C16orf89: variants seen among roughly 807,000 people sequenced by gnomAD.
C16orf89 encodes UPF0764 protein C16orf89.
C16orf89 carries 57 observed loss-of-function variants against 41.5 expected under a neutral mutation model. The observed-to-expected ratio is 1.38, with a 90% CI of 1.11 to 1.71. The LOEUF (loss-of-function observed/expected upper bound fraction) is 1.71. Ranked by LOEUF, C16orf89 falls within the 40% of genes most tolerant of loss-of-function variation. The pLI, the probability that C16orf89 is intolerant of heterozygous loss-of-function variation, is 0.00. For synonymous variants in C16orf89, 223 were observed against 190.6 expected, an observed-to-expected ratio of 1.17 and a Z score of -1.40; for missense variants, 575 against 445.9, an observed-to-expected ratio of 1.29 and a Z score of -2.61.
In C16orf89 at chr16:5,065,302, C is replaced by T. The variant is rs1956715305; in HGVS notation, c.208+399G>A. The stretch of plus-strand genomic sequence containing the variant: ...CAAGTGGAGGAAGTGGGGTGGGAAC[C>T]CGATCTTGAGGGTCCTCAGTTTTGT... On this transcript the variant is annotated intron_variant, in intron 1 of 7. Transcript: ENST00000472572. 3.3e-5 allele frequency among the ~76,000 whole-genome samples: 5 copies of T among 152,266 alleles called. 1 individual carries two copies. In the South Asian group the frequency reaches 1.0e-3, roughly 32 times the overall value.
chr16:5,045,540 G>C (rs1214408354), intron 7 of C16orf89, among the ~76,000 whole-genome samples: 1 of 152,162 alleles, frequency 6.6e-6, no homozygotes, highest in Non-Finnish European at 1.5e-5. Context: ...CCCCAGCCAG[G>C]TCCGTTGAAG....
rs961771767 is a variant in C16orf89, at chr16:5,044,770, G to A, written c.956-292C>T. The A allele has an allele frequency of 6.2e-6, 7 of 1,124,458 alleles. No homozygotes were observed. The African/African-American group carries it at 8.1e-5, about 13-fold the overall frequency. 69.7% of individuals were successfully genotyped at this position (1,124,458 alleles called of 1,614,324 possible). A position where few individuals can be genotyped will look rare whatever the true frequency, so the allele number is the denominator to read the frequency against. On this transcript the variant is annotated intron_variant, in intron 7 of 7. Coordinates refer to ENST00000472572, the MANE Select transcript of C16orf89 (RefSeq NM_001098514.3). ...GAGGCAAGAGAATTGCTTGAACCCAGGAGGCAAAGGTTGCAGTGAGCCGAG... is the reference window on the plus strand; with the variant it reads ...GAGGCAAGAGAATTGCTTGAACCCAAGAGGCAAAGGTTGCAGTGAGCCGAG...
Position 5,044,400 on chromosome 16 carries a change from G to A in C16orf89, c.1034C>T (p.Pro345Leu), listed in dbSNP as rs766056131. ...GFLYILAEYP[P>L]ANREPHPSTP... ...GGATGGGTGTGGCTCTCTGTTTGCT[G>A]GGGGGTATTCTGCCAGGATGTATAG... is the stretch of plus-strand genomic sequence containing the variant. Residue 345 changes from proline to leucine, a missense_variant, in exon 8 of 8, where the codon CCA becomes CTA. By Grantham distance (98) the Pro-to-Leu change is moderately conservative. Transcript: ENST00000472572. The A allele has an allele frequency of 1.2e-6, 2 of 1,611,660 alleles. No homozygotes were observed. Among genetic ancestry groups the A allele is most frequent in the Non-Finnish European group, 1.7e-6 (2 of 1,179,142 alleles).
rs1956250233 is a variant in C16orf89, at chr16:5,044,199, C to T, written c.*149G>A. ...CCCACCTACCCTGGCCTTGCCTACT[C>T]AGGGCTTCCAAGATTGGGTGTCGGG... On this transcript the variant is annotated 3_prime_UTR_variant, in exon 8 of 8. Transcript: ENST00000472572. The T allele has an allele frequency of 4.3e-6, 6 of 1,402,936 alleles. No homozygotes were observed. Among genetic ancestry groups the T allele is most frequent in the South Asian group, 1.6e-5 (1 of 60,896 alleles). 86.9% of individuals were successfully genotyped at this position (1,402,936 alleles called of 1,614,324 possible).
rs1956252300 is a variant in C16orf89, at chr16:5,044,270, C to T, written c.*78G>A. ...GATGCCTTCTTCCCAGGATGTGATCCGTGCCCTCCAGGATCTAAGGGATGA... is the reference window on the plus strand; with the variant it reads ...GATGCCTTCTTCCCAGGATGTGATCTGTGCCCTCCAGGATCTAAGGGATGA... On this transcript the variant is annotated 3_prime_UTR_variant, in exon 8 of 8. Transcript: ENST00000472572. 13 of 1,484,026 alleles carry T rather than the reference C, an allele frequency of 8.8e-6. No homozygotes were observed. The highest frequency in any genetic ancestry group is 2.9e-5 in the African/African-American group (2 of 70,050). 91.9% of individuals were successfully genotyped at this position (1,484,026 alleles called of 1,614,324 possible).
At chr16:5,055,041 G>A (rs970910945) in intron 6 of C16orf89, among the ~76,000 whole-genome samples, 10 of 152,058 alleles carry the variant, frequency 6.6e-5, no homozygotes, top group African/African-American at 2.2e-4. Flanking sequence ...CCAATAAGAC[G>A]GCCTCCTGTC....
At chr16:5,053,642 C>G (rs558914735) in intron 6 of C16orf89, among the ~76,000 whole-genome samples, 1 of 151,710 alleles carries the variant, frequency 6.6e-6, no homozygotes, top group Non-Finnish European at 1.5e-5. Context: ...CTGCTGGGCT[C>G]AAGTGATTCT....
intron 4 of C16orf89, among the ~76,000 whole-genome samples, chr16:5,057,222 G>T (rs2142647896): frequency 6.8e-6 from 1 of 146,196 alleles, no homozygotes; most frequent in East Asian, 2.0e-4. Context: ...GGGCAACAGA[G>T]TGAGACTCCA....
intron 6 of C16orf89, among the ~76,000 whole-genome samples, chr16:5,053,588 T>G (rs1263169690): frequency 6.6e-6 from 1 of 151,598 alleles, no homozygotes; most frequent in Non-Finnish European, 1.5e-5. Flanking sequence ...TCACCCAGGC[T>G]GAAGTGCAGT....
chr16:5,052,394 A>C (rs924355008), intron 6 of C16orf89, among the ~76,000 whole-genome samples: 1 of 152,160 alleles, frequency 6.6e-6, no homozygotes, highest in Non-Finnish European at 1.5e-5. Flanking sequence ...ATTCTGGATC[A>C]GCTTGGGCAA....
chr16:5,054,594 A>G (rs865955688), intron 6 of C16orf89, among the ~76,000 whole-genome samples: 3 of 152,168 alleles, frequency 2.0e-5, no homozygotes, highest in African/African-American at 7.2e-5. Context: ...TGTCTGGTAC[A>G]TTAGTGGGTG....
intron 4 of C16orf89, among the ~76,000 whole-genome samples, chr16:5,058,186 G>T (rs1956547325): frequency 6.6e-6 from 1 of 151,730 alleles, no homozygotes; most frequent in East Asian, 2.0e-4. Flanking sequence ...GGAGTGCAGT[G>T]GCGCAATCTT....
At chr16:5,049,670 C>G (rs1305255746) in intron 6 of C16orf89, among the ~76,000 whole-genome samples, 3 of 152,038 alleles carry the variant, frequency 2.0e-5, no homozygotes, top group Admixed American at 2.0e-4. Flanking sequence ...AATAGAAACA[C>G]AATATGCCAA....
chr16:5,063,617 A>C (rs1956672514), intron 1 of C16orf89, among the ~76,000 whole-genome samples: 1 of 152,180 alleles, frequency 6.6e-6, no homozygotes, highest in Non-Finnish European at 1.5e-5. Flanking sequence ...CAGTGGCTGC[A>C]TTCGATTCTC....
At position 5,047,933 on chromosome 16, in the gene C16orf89, A is replaced by C. The variant is rs74951508; in HGVS notation, c.900T>G (p.Ile300Met). 1,017 of 1,603,268 alleles carry C rather than the reference A, an allele frequency of 6.3e-4. 10 individuals carry two copies. In the African/African-American group the frequency reaches 0.012, roughly 19 times the overall value. ...DAEDEELSKA[I>M]QYQQHFSRRV... is the part of the protein sequence containing the mutation. The stretch of plus-strand genomic sequence containing the variant: ...TCCTCGAAAAATGCTGCTGATATTG[A>C]ATAGCTTTAGATAATTCTTCATCTT... Residue 300 changes from isoleucine (I) to methionine (M), a missense_variant, in exon 7 of 8, where the codon ATT becomes ATG. Physicochemically the swap from Ile to Met is conservative, Grantham distance 10. Coordinates refer to ENST00000472572, the MANE Select transcript of C16orf89 (RefSeq NM_001098514.3).
At chr16:5,051,192 G>A (rs748859665) in intron 6 of C16orf89, among the ~76,000 whole-genome samples, 1 of 152,074 alleles carries the variant, frequency 6.6e-6, no homozygotes, top group African/African-American at 2.4e-5. Context: ...AATACTAGAA[G>A]TCTTAGCCAG....
rs561128734 is a variant in C16orf89 at position 5,044,474 on chromosome 16, G to C, written c.960C>G (p.Gly320=). ...VKRREKQFPD[G]CSSHNTATAV... Reference sequence around the variant, plus strand: ...CTGTGGCTGTGTTGTGGGAGGAGCAGCCATCTAGGGGAGAGAGCCCCCATG... The same window carrying C: ...CTGTGGCTGTGTTGTGGGAGGAGCACCCATCTAGGGGAGAGAGCCCCCATG... The change falls in exon 8 of 8, where the codon GGC becomes GGG. Residue 320 remains glycine, a synonymous_variant. Coordinates refer to ENST00000472572, the MANE Select transcript of C16orf89 (RefSeq NM_001098514.3). 6.2e-7 allele frequency: 1 copy of C among 1,612,434 alleles called. No homozygotes were observed. The highest frequency in any genetic ancestry group is 2.2e-5 in the East Asian group (1 of 44,852).
In C16orf89 at chr16:5,055,250, C is replaced by T. The variant is rs1264728228; in HGVS notation, c.864G>A (p.Glu288=). The T allele has an allele frequency of 6.2e-7, 1 of 1,608,646 alleles. No homozygotes were observed. Among genetic ancestry groups the T allele is most frequent in the African/African-American group, 1.3e-5 (1 of 74,808 alleles). The change falls in exon 6 of 8, where the codon GAG becomes GAA. Residue 288 remains glutamate, a synonymous_variant. Transcript: ENST00000472572. ...CAGGGCAGCAGCGCAGCTCACCAGGCTCCCCGAAGCATCCTTCCTGCTGTT... is the reference window on the plus strand; with the variant it reads ...CAGGGCAGCAGCGCAGCTCACCAGGTTCCCCGAAGCATCCTTCCTGCTGTT... ...WQKQQEGCFG[E]PDAEDEELSK...
chr16:5,057,292 G>GTA (rs113014669), intron 4 of C16orf89, among the ~76,000 whole-genome samples: 14,667 of 139,976 alleles, frequency 0.1, 896 homozygotes, highest in Non-Finnish European at 0.14. Flanking sequence ...ATATATATGT[G>GTA]TATATATATA....
Sources: gnomAD v4.1 joint callset for allele counts (sites outside exome capture counted in the v4.1 genomes callset) on GRCh38, gnomAD v4.1.1 for gene constraint, MANE v1.5 for transcripts, NCBI Gene and HGNC (gene_info 2026-07-23, HGNC 2026-07-21) for gene names.